The following AMY2B variants were observed in gnomAD, a reference collection of about 807,000 sequenced individuals.
The protein encoded by AMY2B is amylase alpha 2B.
In AMY2B, 63 loss-of-function variants were observed where a neutral mutation model predicts 59.3. The observed-to-expected ratio is 1.06, with a 90% confidence interval of 0.87 to 1.31. The LOEUF (loss-of-function observed/expected upper bound fraction) is 1.31. Ranked by LOEUF, AMY2B falls within the 50% of genes most tolerant of loss-of-function variation. The pLI, the probability that AMY2B is intolerant of heterozygous loss-of-function variation, is 0.00. For missense variants in AMY2B, 635 were observed against 626.7 expected (o/e 1.01, Z -0.14); for synonymous variants, 180 against 198.1 (o/e 0.91, Z 0.77).
At chr1:103,571,350 A>G (rs923865838), upstream of AMY2B, 8 of 1,004,964 alleles carry the variant, frequency 8.0e-6, no homozygotes, top group Admixed American at 3.0e-5. Context: ...GCAATATATC[A>G]TTGTGTATGG....
Position 103,573,737 on chromosome 1 carries a change from T to C in AMY2B, c.543T>C (p.Leu181=), listed in dbSNP as rs768300919. ...QVRDCRLVGL[L]DLALEKDYVR... ...GAGATTGTCGTCTGGTTGGTCTTCT[T>C]GATCTTGCACTGGAGAAAGATTATG... The change falls in exon 4 of 10, where the codon CTT becomes CTC. Residue 181 remains leucine (L), a synonymous_variant. Transcript: ENST00000684275. The C allele has an allele frequency of 8.7e-6, 14 of 1,613,824 alleles. No homozygotes were observed. Among genetic ancestry groups the C allele is most frequent in the Middle Eastern group, 1.7e-4 (1 of 6,054 alleles).
chr1:103,575,670 A>G, intron 7 of AMY2B, 130 bp downstream of exon 7: 1 of 1,337,788 alleles, frequency 7.5e-7, no homozygotes, highest in Admixed American at 2.3e-5. Context: ...TAGGGCTGCG[A>G]TTTTAGTAAT....
In AMY2B at chr1:103,572,123, A is replaced by T. The variant is rs1419723107; in HGVS notation, c.182A>T (p.Asn61Ile). 6 of 1,611,576 alleles carry T rather than the reference A, an allele frequency of 3.7e-6. No homozygotes were observed. In the Admixed American group the frequency reaches 8.3e-5, roughly 22 times the overall value. Residue 61 changes from asparagine (N) to isoleucine (I), a missense_variant, in exon 2 of 10, where the codon AAT (asparagine) becomes ATT (isoleucine). By Grantham distance (149) the Asn-to-Ile change is moderately radical. Transcript: ENST00000684275. ...GFGGVQVSPP[N>I]ENVAIHNPFR... ...TTTAATTTGTAGGTCTCTCCACCAA[A>T]TGAAAATGTTGCAATTCACAACCCT...
upstream of AMY2B, chr1:103,571,320 C>A: frequency 2.3e-6 from 2 of 872,980 alleles, no homozygotes; most frequent in East Asian, 7.0e-5. Context: ...TCTACTGTTA[C>A]GTGAGAACAT....
chr1:103,558,922 C>G (rs1332058859), intron 1 of AMY2B, among the ~76,000 whole-genome samples: 3 of 152,030 alleles, frequency 2.0e-5, no homozygotes, highest in African/African-American at 7.2e-5. Context: ...TTTTTTTCGT[C>G]ATTATTTTGT....
At chr1:103,559,478 T>TTAA (rs2101060612) in intron 1 of AMY2B, among the ~76,000 whole-genome samples, 1 of 152,274 alleles carries the variant, frequency 6.6e-6, no homozygotes, top group East Asian at 1.9e-4. Flanking sequence ...CAAAAAATAA[T>TTAA]AATACAGGCA....
intron 1 of AMY2B, chr1:103,561,815 C>G (rs1241727020): frequency 6.6e-6 from 1 of 151,930 alleles, no homozygotes; most frequent in Admixed American, 6.6e-5. Context: ...GGAGAGAAGA[C>G]AGTGGTTTGC....
chr1:103,576,209 C>G (rs1231861213), intron 7 of AMY2B, among the ~76,000 whole-genome samples: 1 of 152,114 alleles, frequency 6.6e-6, no homozygotes, highest in Non-Finnish European at 1.5e-5. Flanking sequence ...CTAAAGGGTT[C>G]AGAAACAGCA....
intron 1 of AMY2B, among the ~76,000 whole-genome samples, chr1:103,563,240 A>T (rs181344957): frequency 6.6e-6 from 1 of 152,210 alleles, no homozygotes; most frequent in Admixed American, 6.5e-5. Context: ...AATTCCCAAG[A>T]TATGTCATTT....
chr1:103,561,727 T>G (rs1651741249), intron 1 of AMY2B: 1 of 151,792 alleles, frequency 6.6e-6, no homozygotes, highest in Non-Finnish European at 1.5e-5. Flanking sequence ...GAGGATATTG[T>G]AGAAAAAGGA....
At position 103,574,247 on chromosome 1, in the gene AMY2B, A is replaced by G. The variant is rs2101075479; in HGVS notation, c.745-13A>G. 3.1e-6 allele frequency: 5 copies of G among 1,611,730 alleles called. No homozygotes were observed. Among genetic ancestry groups the G allele is most frequent in the Non-Finnish European group, 4.2e-6 (5 of 1,179,650 alleles). On this transcript the variant is annotated splice_polypyrimidine_tract_variant and intron_variant, in intron 4 of 9. Coordinates refer to ENST00000684275, the MANE Select transcript of AMY2B (RefSeq NM_001387437.1). ...CTTATGCAAAATGTTACTTTTTCCT[A>G]ATTTTCTACTAGGTAATTGATCTGG...
chr1:103,570,305 A>C, upstream of AMY2B: 1 of 608,198 alleles, frequency 1.6e-6, no homozygotes, highest in South Asian at 1.4e-5. Flanking sequence ...ACCATCGGCA[A>C]TGAGGTTGCA....
At chr1:103,570,319 T>A, upstream of AMY2B, 1 of 633,828 alleles carries the variant, frequency 1.6e-6, no homozygotes, top group Non-Finnish European at 3.0e-6. Flanking sequence ...GGTTGCAGTG[T>A]CCCGAGACGC....
upstream of AMY2B, chr1:103,569,035 G>A (rs1652009815): frequency 6.6e-6 from 1 of 151,988 alleles, no homozygotes; most frequent in Non-Finnish European, 1.5e-5. Flanking sequence ...GAGAAATTCT[G>A]AGCAAAAGGG....
At chr1:103,554,811 C>A (rs1482899886) in exon 1 of AMY2B, 3 of 152,440 alleles carry the variant, frequency 2.0e-5, no homozygotes, top group Non-Finnish European at 2.9e-5. Flanking sequence ...AAGTACAAAA[C>A]CTATAGATTT....
upstream of AMY2B, chr1:103,569,849 G>A: frequency 2.2e-6 from 1 of 457,852 alleles, no homozygotes; most frequent in South Asian, 1.8e-5. Context: ...GGCCTTGGAG[G>A]AGCACCTGGT....
chr1:103,572,217 T>C lies in AMY2B; in HGVS notation c.276T>C (p.Asp92=), dbSNP rs745444938. The change falls in exon 2 of 10, where the codon GAT becomes GAC. Residue 92 remains aspartate (D), a synonymous_variant. Transcript: ENST00000684275. ...TATGCACAAGATCTGGAAATGAAGA[T>C]GAATTTAGAAACATGGTGACTAGAT... ...YKLCTRSGNE[D]EFRNMVTRCN... The C allele has an allele frequency of 2.5e-6, 4 of 1,611,616 alleles. No individual in the cohort carries two copies. The South Asian group carries it at 4.4e-5, about 18-fold the overall frequency.
Position 103,574,005 on chromosome 1 carries a change from TA to T in AMY2B, c.744+72del, listed in dbSNP as rs1652245456. The T allele has an allele frequency of 2.5e-6, 4 of 1,611,158 alleles. No homozygotes were observed. The East Asian group carries it at 8.9e-5, about 36-fold the overall frequency. ...ATTAGAAAATAATGGCAGATTTAAT[TA>T]AAAATGCAATTTCTATAGGATAAGG... On this transcript the variant is annotated intron_variant, in intron 4 of 9. Transcript: ENST00000684275.
upstream of AMY2B, chr1:103,571,522 G>A: frequency 6.3e-7 from 1 of 1,581,998 alleles, no homozygotes; most frequent in Non-Finnish European, 8.6e-7. Context: ...ATTTATTCAT[G>A]CTAATATTTA....
Sources: allele counts gnomAD v4.1 joint callset (sites outside exome capture counted in the v4.1 genomes callset), GRCh38; gene constraint gnomAD v4.1.1; transcripts MANE v1.5; gene names NCBI Gene and HGNC (gene_info 2026-07-23, HGNC 2026-07-21).